LHFPL3: variants seen among roughly 807,000 people sequenced by gnomAD.
LHFPL3 encodes the protein LHFPL tetraspan subfamily member 3.
A neutral mutation model predicts 19.3 loss-of-function variants in LHFPL3; 5 were observed. That is an observed-to-expected ratio of 0.26 (90% CI 0.14 to 0.54). The LOEUF (loss-of-function observed/expected upper bound fraction) is 0.54, where lower values mean the gene tolerates loss of function less well. Among genes scored for constraint, LHFPL3 ranks in the 20% least tolerant of loss-of-function variants. LHFPL3 has a pLI of 0.94. For missense variants in LHFPL3, 249 were observed against 307.4 expected (o/e 0.81, Z 1.42); for synonymous variants, 133 against 126.2 (o/e 1.05, Z -0.36).
At position 104,339,867 on chromosome 7, in the gene LHFPL3, A is replaced by G. The variant is rs906471806; in HGVS notation, c.445+10643A>G. 1.6e-4 allele frequency among the ~76,000 whole-genome samples: 25 copies of G among 152,214 alleles called. 1 individual carries two copies. Among genetic ancestry groups the G allele is most frequent in the African/African-American group, 5.8e-4 (24 of 41,464 alleles). On this transcript the variant is annotated intron_variant, in intron 1 of 2. Transcript: ENST00000424859. ...TTAGACTGTGAATTCCTACAGGACT[A>G]GAGCAACATCCACATTACTGGCTCT...
chr7:104,522,344 A>G (rs894936712), intron 1 of LHFPL3, among the ~76,000 whole-genome samples: 1 of 138,574 alleles, frequency 7.2e-6, no homozygotes, highest in African/African-American at 2.7e-5. Flanking sequence ...CAATGAGAAC[A>G]CATGGACATA....
At chr7:104,382,494 T>G (rs1487210454) in intron 1 of LHFPL3, among the ~76,000 whole-genome samples, 2 of 152,286 alleles carry the variant, frequency 1.3e-5, no homozygotes, top group East Asian at 3.9e-4. Context: ...ACCCTCAAGC[T>G]TGGCTACACA....
At chr7:104,669,719 G>T (rs1562962109) in intron 1 of LHFPL3, 3 of 982,408 alleles carry the variant, frequency 3.1e-6, no homozygotes, top group Non-Finnish European at 4.4e-6. Context: ...AACAAAAAAT[G>T]AAATTATTTT....
At chr7:104,654,178 C>T (rs958072513) in intron 1 of LHFPL3, among the ~76,000 whole-genome samples, 2 of 152,090 alleles carry the variant, frequency 1.3e-5, no homozygotes, top group South Asian at 2.1e-4. Context: ...TATCTAAGAA[C>T]AGAAATAGCC....
At chr7:104,522,948 G>T (rs1033310811) in intron 1 of LHFPL3, among the ~76,000 whole-genome samples, 6 of 144,988 alleles carry the variant, frequency 4.1e-5, no homozygotes, top group African/African-American at 1.5e-4. Flanking sequence ...GTCATCTGCT[G>T]TCTGTCTCTC....
intron 2 of LHFPL3, among the ~76,000 whole-genome samples, chr7:104,827,133 C>A (rs970632545): frequency 2.6e-5 from 4 of 151,984 alleles, no homozygotes; most frequent in African/African-American, 9.7e-5. Flanking sequence ...ACCCAGGCTT[C>A]TTGATTCTTT....
intron 1 of LHFPL3, among the ~76,000 whole-genome samples, chr7:104,637,540 C>G (rs1254660240): frequency 6.6e-6 from 1 of 152,132 alleles, no homozygotes; most frequent in Non-Finnish European, 1.5e-5. Context: ...TTTAATCCAT[C>G]TTGTGTTGAT....
intron 1 of LHFPL3, among the ~76,000 whole-genome samples, chr7:104,408,646 A>G (rs141352351): frequency 2.0e-4 from 31 of 152,280 alleles, no homozygotes; most frequent in African/African-American, 5.3e-4. Flanking sequence ...CAACTTGAAA[A>G]TGTTTACTGG....
At chr7:104,370,946 A>G (rs1448165878) in intron 1 of LHFPL3, among the ~76,000 whole-genome samples, 4 of 152,256 alleles carry the variant, frequency 2.6e-5, no homozygotes, top group East Asian at 1.9e-4. Flanking sequence ...ATTAAAGCTA[A>G]TAAGTAACAG....
At chr7:104,404,514 G>C (rs1416160793) in intron 1 of LHFPL3, among the ~76,000 whole-genome samples, 1 of 152,130 alleles carries the variant, frequency 6.6e-6, no homozygotes, top group East Asian at 1.9e-4. Context: ...AGTACATTGA[G>C]AGGTAAAGTC....
At chr7:104,770,696 A>G (rs1488162142) in intron 2 of LHFPL3, among the ~76,000 whole-genome samples, 1 of 152,146 alleles carries the variant, frequency 6.6e-6, no homozygotes, top group African/African-American at 2.4e-5. Flanking sequence ...CTTCCACCAG[A>G]GCCAAAAGGA....
chr7:104,511,095 A>T (rs574606463), intron 1 of LHFPL3, among the ~76,000 whole-genome samples: 1 of 152,292 alleles, frequency 6.6e-6, no homozygotes, highest in Non-Finnish European at 1.5e-5. Flanking sequence ...AGTATCTAGA[A>T]TATATAAAGA....
At chr7:104,423,462 A>G (rs1791773993) in intron 1 of LHFPL3, among the ~76,000 whole-genome samples, 1 of 152,186 alleles carries the variant, frequency 6.6e-6, no homozygotes, top group Non-Finnish European at 1.5e-5. Context: ...AAATTAAAAA[A>G]AATTAGCTGG....
intron 1 of LHFPL3, among the ~76,000 whole-genome samples, chr7:104,505,384 A>G (rs530359262): frequency 6.6e-6 from 1 of 152,366 alleles, no homozygotes; most frequent in East Asian, 1.9e-4. Context: ...ATTAGAAGCA[A>G]ATGATAACTA....
At chr7:104,857,710 G>A (rs759597889) in intron 2 of LHFPL3, among the ~76,000 whole-genome samples, 13 of 152,148 alleles carry the variant, frequency 8.5e-5, no homozygotes, top group East Asian at 1.9e-4. Context: ...CCTCTTTGTC[G>A]TGAAATCTGG....
chr7:104,862,186 C>A (rs1791629845), intron 2 of LHFPL3, among the ~76,000 whole-genome samples: 1 of 152,208 alleles, frequency 6.6e-6, no homozygotes, highest in Non-Finnish European at 1.5e-5. Flanking sequence ...TACAACTTCC[C>A]CAAAATGCCA....
chr7:104,682,810 T>C (rs1452101833), intron 1 of LHFPL3, among the ~76,000 whole-genome samples: 1 of 152,218 alleles, frequency 6.6e-6, no homozygotes, highest in Non-Finnish European at 1.5e-5. Context: ...TTCAAGCCCA[T>C]ATTTAATTCA....
chr7:104,430,529 TG>T (rs1414993272), intron 1 of LHFPL3, among the ~76,000 whole-genome samples: 2 of 128,420 alleles, frequency 1.6e-5, no homozygotes, highest in Non-Finnish European at 3.2e-5. Context: ...AGTGCAGTGG[TG>T]CAATCTCAGC....
intron 1 of LHFPL3, among the ~76,000 whole-genome samples, chr7:104,647,904 A>G (rs2115924445): frequency 6.6e-6 from 1 of 152,226 alleles, no homozygotes; most frequent in East Asian, 1.9e-4. Context: ...TCAGCCAACC[A>G]CCAGGGTCTA....
Sources: allele counts gnomAD v4.1 joint callset (sites outside exome capture counted in the v4.1 genomes callset), GRCh38; gene constraint gnomAD v4.1.1; transcripts MANE v1.5; gene names NCBI Gene and HGNC (gene_info 2026-07-23, HGNC 2026-07-21).